STIM1: variants seen among roughly 807,000 people sequenced by gnomAD.
STIM1 encodes stromal interaction molecule 1.
A neutral mutation model predicts 74.7 loss-of-function variants in STIM1; 25 were observed. That is an observed-to-expected ratio of 0.33 (90% CI 0.24 to 0.47). STIM1 has a LOEUF of 0.47. Ranked by LOEUF, STIM1 falls within the 20% of genes least tolerant of loss-of-function variation. The pLI is 1.00. For synonymous variants in STIM1, 328 were observed against 348.8 expected (o/e 0.94, Z 0.66); for missense variants, 728 against 920.8 (o/e 0.79, Z 2.71).
chr11:3,981,006 A>T (rs543307972), intron 2 of STIM1, among the ~76,000 whole-genome samples: 1 of 152,252 alleles, frequency 6.6e-6, no homozygotes, highest in African/African-American at 2.4e-5. Context: ...AAATATATAT[A>T]TATTTTTTGG....
At chr11:3,968,105 A>G (rs2093357257) in intron 2 of STIM1, among the ~76,000 whole-genome samples, 1 of 152,224 alleles carries the variant, frequency 6.6e-6, no homozygotes, top group Non-Finnish European at 1.5e-5. Flanking sequence ...CTGGGAGTTT[A>G]TACTCTATAT....
chr11:3,908,649 A>G (rs1286608405), intron 1 of STIM1, among the ~76,000 whole-genome samples: 1 of 151,880 alleles, frequency 6.6e-6, no homozygotes, highest in African/African-American at 2.4e-5. Flanking sequence ...TTGCATGGCT[A>G]GAAAGTTTAA....
chr11:4,086,480 C>T lies in STIM1; in HGVS notation c.1571C>T (p.Pro524Leu), dbSNP rs762929975. ...DDQSLWKYPA[P>L]SLQSSVRQRL... ...ACTTTCTTTATTCTCCTTGCAGCCCCTAGCCTGCAGAGCAGTGTTCGGCAG... is the reference window on the plus strand; with the variant it reads ...ACTTTCTTTATTCTCCTTGCAGCCCTTAGCCTGCAGAGCAGTGTTCGGCAG... Residue 524 changes from proline to leucine, a missense_variant, in exon 12 of 13, where the codon CCT becomes CTT. Pro to Leu is a moderately conservative substitution (Grantham distance 98, BLOSUM62 -3). Around this residue, in one of 5 missense-constraint regions of STIM1, gnomAD observed 352 missense variants for 370.1 expected, o/e 0.95. Transcript: ENST00000526596. 2 of 1,613,942 alleles carry T rather than the reference C, an allele frequency of 1.2e-6. No homozygotes were observed. The highest frequency in any genetic ancestry group is 1.7e-6 in the Non-Finnish European group (2 of 1,180,012).
intron 3 of STIM1, among the ~76,000 whole-genome samples, chr11:4,027,972 G>A (rs900377716): frequency 1.3e-5 from 2 of 152,178 alleles, no homozygotes; most frequent in African/African-American, 4.8e-5. Flanking sequence ...ACTGACCTAA[G>A]GGAATTCTCC....
intron 1 of STIM1, among the ~76,000 whole-genome samples, chr11:3,934,918 C>G (rs1445584661): frequency 6.6e-6 from 1 of 152,200 alleles, no homozygotes; most frequent in African/African-American, 2.4e-5. Context: ...AAATGAGCCA[C>G]CCTTGGCATC....
At position 3,945,758 on chromosome 11, in the gene STIM1, CT is replaced by C. The variant is rs1226391582; in HGVS notation, c.140-21793del. Among the ~76,000 whole-genome samples, 6 of 152,198 alleles carry C rather than the reference CT, an allele frequency of 3.9e-5. No homozygotes were observed. In the East Asian group the frequency reaches 1.2e-3, roughly 29 times the overall value. ...TTCTTGCATTGTTATAAAGAAATAC[CT>C]GAGGCTGGGTAATTTATAAAGAAAA... is the stretch of plus-strand genomic sequence containing the variant. On this transcript the variant is annotated intron_variant, in intron 1 of 12. Coordinates refer to ENST00000526596, the MANE Select transcript of STIM1 (RefSeq NM_001382567.1).
In STIM1 at chr11:3,913,065, C is replaced by G. The variant is rs149837701; in HGVS notation, c.140-54487C>G. 4.4e-3 allele frequency among the ~76,000 whole-genome samples: 668 copies of G among 152,244 alleles called. 2 individuals are homozygous for G. The highest frequency in any genetic ancestry group is 0.015 in the African/African-American group (636 of 41,540). The stretch of plus-strand genomic sequence containing the variant: ...TCATTTGAGACTGCTCACTGCTTAA[C>G]TATTATGAGAGAGAAATAAACTTTT... On this transcript the variant is annotated intron_variant, in intron 1 of 12. Transcript: ENST00000526596.
At chr11:3,895,820 CTTT>C (rs1432674773) in intron 1 of STIM1, among the ~76,000 whole-genome samples, 1 of 102,192 alleles carries the variant, frequency 9.8e-6, no homozygotes, top group African/African-American at 5.3e-5. Context: ...TTCCTTCCTT[CTTT>C]CTTTTCTTTC....
intron 2 of STIM1, among the ~76,000 whole-genome samples, chr11:3,975,062 A>G (rs61897200): frequency 0.014 from 2,081 of 152,322 alleles, 26 homozygotes; most frequent in Non-Finnish European, 0.022. Flanking sequence ...TCCACAGTGT[A>G]CAAAACAGAT....
chr11:3,871,389 C>T (rs1590511160), intron 1 of STIM1, among the ~76,000 whole-genome samples: 1 of 152,204 alleles, frequency 6.6e-6, no homozygotes, highest in South Asian at 2.1e-4. Flanking sequence ...CTGGTCGTCT[C>T]TTTGGTTTAG....
intron 1 of STIM1, among the ~76,000 whole-genome samples, chr11:3,963,616 A>G (rs1271576499): frequency 6.6e-6 from 1 of 152,184 alleles, no homozygotes; most frequent in Non-Finnish European, 1.5e-5. Context: ...TGTAGAGTTA[A>G]TATTTAGGTA....
intron 2 of STIM1, among the ~76,000 whole-genome samples, chr11:3,978,060 AG>A (rs1262074558): frequency 6.6e-6 from 1 of 151,906 alleles, no homozygotes; most frequent in East Asian, 1.9e-4. Flanking sequence ...TGATATTAAG[AG>A]GGAGGGCATG....
chr11:4,070,158 A>G lies in STIM1; in HGVS notation c.746A>G (p.Glu249Gly), dbSNP rs778141513. 1.1e-5 allele frequency: 18 copies of G among 1,614,042 alleles called. No individual in the cohort carries two copies. Among genetic ancestry groups the G allele is most frequent in the Non-Finnish European group, 1.4e-5 (17 of 1,180,022 alleles). Reference protein sequence around the residue: ...EHMKKMMKDLEGLHRAEQSLH... With the variant: ...EHMKKMMKDLGGLHRAEQSLH... ...ATGAAGAAGATGATGAAGGACTTGG[A>G]GGGGTTACACCGAGCTGAGCAGAGT... Residue 249 changes from glutamate to glycine, a missense_variant, in exon 6 of 13, where the codon GAG becomes GGG. Glu to Gly is a moderately conservative substitution (Grantham distance 98). Coordinates refer to ENST00000526596, the MANE Select transcript of STIM1 (RefSeq NM_001382567.1).
chr11:3,930,589 A>C (rs762617317), intron 1 of STIM1, among the ~76,000 whole-genome samples: 3 of 152,224 alleles, frequency 2.0e-5, no homozygotes, highest in Non-Finnish European at 4.4e-5. Context: ...ATGTGACCTT[A>C]GTGAACCCAA....
At chr11:4,045,762 CTTTTTTT>C (rs35939527) in intron 3 of STIM1, among the ~76,000 whole-genome samples, 5 of 104,488 alleles carry the variant, frequency 4.8e-5, no homozygotes, top group Non-Finnish European at 7.6e-5. Flanking sequence ...CTCAACACTT[CTTTTTTT>C]TTTTTTTTTT....
intron 2 of STIM1, among the ~76,000 whole-genome samples, chr11:3,970,215 C>T (rs1369397029): frequency 3.9e-5 from 6 of 152,252 alleles, no homozygotes; most frequent in Middle Eastern, 6.8e-3. Context: ...AACTGTTACC[C>T]TGCTCTTCTC....
intron 3 of STIM1, among the ~76,000 whole-genome samples, chr11:4,026,690 T>C (rs534179488): frequency 6.6e-6 from 1 of 152,300 alleles, no homozygotes; most frequent in East Asian, 1.9e-4. Flanking sequence ...TACTTATGAT[T>C]ACAATTTTAT....
At chr11:3,896,435 CTATT>C (rs1263502322) in intron 1 of STIM1, among the ~76,000 whole-genome samples, 1 of 152,160 alleles carries the variant, frequency 6.6e-6, no homozygotes, top group Admixed American at 6.5e-5. Context: ...AGATCTAAGT[CTATT>C]TGACTTCAGA....
At chr11:4,088,583 G>A (rs1032683919) in intron 12 of STIM1, 2 of 897,508 alleles carry the variant, frequency 2.2e-6, no homozygotes, top group Middle Eastern at 2.1e-4. Flanking sequence ...GACACTAAGG[G>A]ATGCTGTGAA....
Sources: allele counts gnomAD v4.1 joint callset (sites outside exome capture counted in the v4.1 genomes callset), GRCh38; gene constraint gnomAD v4.1.1; regional missense constraint gnomAD v4.1.1; transcripts MANE v1.5; gene names NCBI Gene and HGNC (gene_info 2026-07-23, HGNC 2026-07-21).